The following AKT3 variants were observed in gnomAD, a reference collection of about 807,000 sequenced individuals.
The protein encoded by AKT3 is AKT serine/threonine kinase 3.
Under a neutral mutation model 65.3 loss-of-function variants are expected in AKT3, and 15 were observed. That is an observed-to-expected ratio of 0.23 (90% CI 0.15 to 0.35). AKT3 has a LOEUF of 0.35. Ranked by LOEUF, AKT3 falls within the 10% of genes least tolerant of loss-of-function variation. The pLI is 1.00. For missense variants in AKT3, 243 were observed against 576.5 expected, an observed-to-expected ratio of 0.42 and a Z score of 5.92; for synonymous variants, 206 against 183.8, an observed-to-expected ratio of 1.12 and a Z score of -0.98.
At chr1:243,804,711 G>C (rs969898290) in intron 2 of AKT3, among the ~76,000 whole-genome samples, 1 of 152,040 alleles carries the variant, frequency 6.6e-6, no homozygotes, top group African/African-American at 2.4e-5. Flanking sequence ...GCCGGGCGTG[G>C]TGGCAGGCAC....
At chr1:243,607,639 T>G (rs1350140645) in intron 8 of AKT3, among the ~76,000 whole-genome samples, 1 of 152,176 alleles carries the variant, frequency 6.6e-6, no homozygotes, top group Non-Finnish European at 1.5e-5. Context: ...GGGATATTGC[T>G]GAAATGAATT....
At chr1:243,654,848 T>C (rs1440545455) in intron 4 of AKT3, among the ~76,000 whole-genome samples, 3 of 152,174 alleles carry the variant, frequency 2.0e-5, no homozygotes, top group African/African-American at 4.8e-5. Context: ...CATTTTTTTC[T>C]CTGTCTACAT....
intron 10 of AKT3, among the ~76,000 whole-genome samples, chr1:243,563,032 T>C (rs1180646323): frequency 2.0e-5 from 3 of 152,194 alleles, no homozygotes; most frequent in African/African-American, 7.2e-5. Context: ...TGTTTGTTTA[T>C]GAAACTTAAG....
At chr1:243,713,995 G>A (rs766235936) in intron 2 of AKT3, among the ~76,000 whole-genome samples, 1 of 152,090 alleles carries the variant, frequency 6.6e-6, no homozygotes, top group Non-Finnish European at 1.5e-5. Flanking sequence ...GCTGTTTTGC[G>A]TCAAGAGTTC....
At chr1:243,683,341 C>CA (rs1684054239) in intron 3 of AKT3, among the ~76,000 whole-genome samples, 1 of 152,052 alleles carries the variant, frequency 6.6e-6, no homozygotes, top group Admixed American at 6.6e-5. Context: ...TAATAACCCT[C>CA]AATAAAAACT....
chr1:243,488,616 C>T (rs1040758472), intron 13 of AKT3, among the ~76,000 whole-genome samples: 1 of 152,158 alleles, frequency 6.6e-6, no homozygotes, highest in Non-Finnish European at 1.5e-5. Flanking sequence ...TCAGTGTTTC[C>T]ACGGCCCTCA....
At chr1:243,575,362 G>A (rs922809691) in intron 8 of AKT3, among the ~76,000 whole-genome samples, 4 of 152,182 alleles carry the variant, frequency 2.6e-5, no homozygotes, top group African/African-American at 9.7e-5. Flanking sequence ...CACTGGAGAA[G>A]AGAAAGAGGG....
At chr1:243,783,665 G>A (rs1015257318) in intron 2 of AKT3, among the ~76,000 whole-genome samples, 14 of 152,070 alleles carry the variant, frequency 9.2e-5, no homozygotes, top group African/African-American at 3.4e-4. Context: ...TAGGACATGG[G>A]TACTTTAGTG....
At chr1:243,778,258 T>G (rs149696516) in intron 2 of AKT3, among the ~76,000 whole-genome samples, 68 of 152,306 alleles carry the variant, frequency 4.5e-4, no homozygotes, top group Non-Finnish European at 8.8e-4. Flanking sequence ...TCTTTGGTTA[T>G]CTGTGTCTAA....
chr1:243,637,696 A>G lies in AKT3; in HGVS notation c.476T>C (p.Phe159Ser). The G allele has an allele frequency of 6.3e-7, 1 of 1,595,672 alleles. No homozygotes were observed. Among genetic ancestry groups the G allele is most frequent in the Non-Finnish European group, 8.6e-7 (1 of 1,164,400 alleles). The change falls in exon 6 of 14, where the codon TTT becomes TCT. Residue 159 changes from phenylalanine to serine, a missense_variant. Phe to Ser is a radical substitution (Grantham distance 155, BLOSUM62 -2). This residue lies in a region of AKT3 where 61 missense variants were observed against 163.3 expected (regional missense o/e 0.37). Coordinates refer to ENST00000673466, the MANE Select transcript of AKT3 (RefSeq NM_005465.7). ...CTCTCGAACCAAAATAACTTTCCCAAAAGTGCCTTTACCTAGTAGTTTCAA... is the reference window on the plus strand; with the variant it reads ...CTCTCGAACCAAAATAACTTTCCCAGAAGTGCCTTTACCTAGTAGTTTCAA... ...DYLKLLGKGT[F>S]GKVILVREKA...
intron 2 of AKT3, among the ~76,000 whole-genome samples, chr1:243,790,763 T>C (rs1312366843): frequency 6.6e-6 from 1 of 152,212 alleles, no homozygotes; most frequent in Non-Finnish European, 1.5e-5. Context: ...CTTGAACATG[T>C]AGAGGCCATT....
rs1281865620 is a variant in AKT3, at chr1:243,620,419, TG to T, written c.562-5259del. On this transcript the variant is annotated intron_variant, in intron 6 of 13. Coordinates refer to ENST00000673466, the MANE Select transcript of AKT3 (RefSeq NM_005465.7). ...ATTGTGGTTTTGATTTGCATTTCCC[TG>T]ATGAGTAGTGATATGACACACTTTT... Among the ~76,000 whole-genome samples the T allele has an allele frequency of 8.8e-4, 130 of 147,312 alleles. 48 individuals are homozygous for T. The highest frequency in any genetic ancestry group is 1.3e-3 in the Non-Finnish European group (86 of 65,624).
intron 10 of AKT3, among the ~76,000 whole-genome samples, chr1:243,555,105 T>C (rs1241100349): frequency 1.3e-5 from 2 of 152,228 alleles, no homozygotes; most frequent in Non-Finnish European, 2.9e-5. Context: ...CGTGCCTTAA[T>C]TGATCTACAG....
At chr1:243,556,059 T>A (rs904840179) in intron 10 of AKT3, among the ~76,000 whole-genome samples, 1 of 152,074 alleles carries the variant, frequency 6.6e-6, no homozygotes, top group Non-Finnish European at 1.5e-5. Flanking sequence ...AGAGGTCACA[T>A]CAAATGAAAA....
At chr1:243,600,099 AT>A (rs1187938261) in intron 8 of AKT3, among the ~76,000 whole-genome samples, 2 of 152,110 alleles carry the variant, frequency 1.3e-5, no homozygotes, top group Non-Finnish European at 2.9e-5. Context: ...CTAAGGATAA[AT>A]TTTTAAAACT....
At chr1:243,495,360 C>T (rs1377311295), downstream of AKT3, among the ~76,000 whole-genome samples, 1 of 152,326 alleles carries the variant, frequency 6.6e-6, no homozygotes, top group African/African-American at 2.4e-5. Flanking sequence ...CTGGTTTCTG[C>T]GGCCCTGTTC....
chr1:243,577,982 A>C (rs1390302022), intron 8 of AKT3, among the ~76,000 whole-genome samples: 1 of 152,248 alleles, frequency 6.6e-6, no homozygotes, highest in Non-Finnish European at 1.5e-5. Context: ...AACCACAATG[A>C]AATAGCATCT....
intron 8 of AKT3, among the ~76,000 whole-genome samples, chr1:243,602,061 AGT>A (rs1677047639): frequency 6.6e-6 from 1 of 152,226 alleles, no homozygotes; most frequent in South Asian, 2.1e-4. Flanking sequence ...AGGCCCCTGC[AGT>A]TCCAGCCACT....
At chr1:243,563,631 AT>A in intron 10 of AKT3, 88 bp downstream of exon 10, 4 of 1,463,064 alleles carry the variant, frequency 2.7e-6, no homozygotes, top group Non-Finnish European at 3.6e-6. Flanking sequence ...AAAGTAGTAG[AT>A]ACTACAGTTA....
Sources: allele counts gnomAD v4.1 joint callset (sites outside exome capture counted in the v4.1 genomes callset), GRCh38; gene constraint gnomAD v4.1.1; regional missense constraint gnomAD v4.1.1; transcripts MANE v1.5; gene names NCBI Gene and HGNC (gene_info 2026-07-23, HGNC 2026-07-21).